Variants in SCHIP1 observed in about 807,000 individuals in gnomAD.
The protein encoded by SCHIP1 is schwannomin-interacting protein 1.
In SCHIP1, 8 loss-of-function variants were observed where a neutral mutation model predicts 29.7. The observed-to-expected ratio is 0.27, with a 90% CI of 0.16 to 0.49. The LOEUF (loss-of-function observed/expected upper bound fraction) is 0.49, where lower values mean the gene tolerates loss of function less well. Among genes scored for constraint, SCHIP1 ranks in the 20% least tolerant of loss-of-function variants. The pLI, the probability that SCHIP1 is intolerant of heterozygous loss-of-function variation, is 0.99. For synonymous variants in SCHIP1, 76 were observed against 94.9 expected (o/e 0.80, Z 1.16); for missense variants, 193 against 294.6 (o/e 0.66, Z 2.52).
At chr3:159,298,539 G>A in the SCHIP1 span, among the ~76,000 whole-genome samples, 1 of 152,186 alleles carries the variant, frequency 6.6e-6, no homozygotes, top group Non-Finnish European at 1.5e-5. Flanking sequence ...GATAGCTTAT[G>A]TTTGGAGCAT....
chr3:159,712,332 C>T, the SCHIP1 span, among the ~76,000 whole-genome samples: 116 of 152,266 alleles, frequency 7.6e-4, 1 homozygote, highest in African/African-American at 2.6e-3. Context: ...TGTATTTTTA[C>T]GCAAAGATCA....
At chr3:159,289,302 AT>A in the SCHIP1 span, among the ~76,000 whole-genome samples, 2 of 152,120 alleles carry the variant, frequency 1.3e-5, no homozygotes, top group Non-Finnish European at 2.9e-5. Flanking sequence ...TAAAATCCAA[AT>A]TCCTTGCCAT....
At chr3:159,609,676 A>T in the SCHIP1 span, among the ~76,000 whole-genome samples, 3 of 152,134 alleles carry the variant, frequency 2.0e-5, no homozygotes, top group Admixed American at 2.0e-4. Flanking sequence ...GATGGAACCA[A>T]CAGAAGCAGC....
At chr3:159,870,443 G>A (rs1267302936) in intron 2 of SCHIP1, among the ~76,000 whole-genome samples, 1 of 151,894 alleles carries the variant, frequency 6.6e-6, no homozygotes, top group East Asian at 1.9e-4. Context: ...GTATTTAACT[G>A]TATCACATGC....
chr3:159,769,524 C>A, the SCHIP1 span, among the ~76,000 whole-genome samples: 1 of 151,944 alleles, frequency 6.6e-6, no homozygotes, highest in Non-Finnish European at 1.5e-5. Context: ...CCAAGGCAGG[C>A]GGATCACCTG....
chr3:159,335,302 C>T, the SCHIP1 span, among the ~76,000 whole-genome samples: 2 of 152,282 alleles, frequency 1.3e-5, no homozygotes, highest in South Asian at 4.2e-4. Context: ...CTGCACTTGG[C>T]ATGACCAGTC....
chr3:159,718,985 C>T, the SCHIP1 span, among the ~76,000 whole-genome samples: 5 of 152,174 alleles, frequency 3.3e-5, no homozygotes, highest in African/African-American at 1.2e-4. Context: ...TCAAACTATA[C>T]TACAAGCCTA....
At chr3:159,438,110 T>A in the SCHIP1 span, among the ~76,000 whole-genome samples, 1 of 152,168 alleles carries the variant, frequency 6.6e-6, no homozygotes, top group Non-Finnish European at 1.5e-5. Flanking sequence ...ATTGTCTAGA[T>A]CAGGATTTTC....
At chr3:159,274,120 T>C in the SCHIP1 span, 100 of 985,360 alleles carry the variant, frequency 1.0e-4, no homozygotes, top group East Asian at 6.0e-3. Context: ...GAATCTAAGT[T>C]TGAGTGTTCT....
At chr3:159,309,846 G>A in the SCHIP1 span, among the ~76,000 whole-genome samples, 1 of 152,136 alleles carries the variant, frequency 6.6e-6, no homozygotes, top group African/African-American at 2.4e-5. Flanking sequence ...TTACTAAGAG[G>A]AAAATCATTG....
intron 2 of SCHIP1, among the ~76,000 whole-genome samples, chr3:159,868,189 A>G (rs1042679491): frequency 1.3e-4 from 19 of 151,372 alleles, no homozygotes; most frequent in African/African-American, 4.1e-4. Flanking sequence ...ACATATATAT[A>G]TGTGTCTTTG....
At chr3:159,670,876 GGTGGGTGT>G in the SCHIP1 span, among the ~76,000 whole-genome samples, 652 of 151,902 alleles carry the variant, frequency 4.3e-3, 9 homozygotes, top group African/African-American at 0.015. Flanking sequence ...TCTGTGGGTG[GGTGGGTGT>G]GTGGGTGTGT....
At chr3:159,491,921 G>C in the SCHIP1 span, among the ~76,000 whole-genome samples, 1 of 152,148 alleles carries the variant, frequency 6.6e-6, no homozygotes, top group Admixed American at 6.5e-5. Context: ...GAACGATCAG[G>C]CAGCAGCATT....
the SCHIP1 span, among the ~76,000 whole-genome samples, chr3:159,379,471 C>T: frequency 6.6e-6 from 1 of 152,336 alleles, no homozygotes; most frequent in South Asian, 2.1e-4. Flanking sequence ...GATCTGCCCA[C>T]CTTGGCCTCC....
At chr3:159,711,273 AT>A in the SCHIP1 span, among the ~76,000 whole-genome samples, 1 of 76,410 alleles carries the variant, frequency 1.3e-5, no homozygotes, top group South Asian at 4.1e-4. Flanking sequence ...AGGCAGGAGA[AT>A]GGCGTGAACC....
the SCHIP1 span, among the ~76,000 whole-genome samples, chr3:159,482,570 A>G: frequency 6.6e-6 from 1 of 152,200 alleles, no homozygotes; most frequent in Non-Finnish European, 1.5e-5. Flanking sequence ...GCATTTATTA[A>G]CTAGTTTACA....
the SCHIP1 span, among the ~76,000 whole-genome samples, chr3:159,517,569 A>G: frequency 2.0e-5 from 3 of 152,154 alleles, no homozygotes; most frequent in Non-Finnish European, 2.9e-5. Context: ...GTCACCTATT[A>G]AAATGCCCAA....
the SCHIP1 span, among the ~76,000 whole-genome samples, chr3:159,488,415 A>G: frequency 6.6e-6 from 1 of 152,232 alleles, no homozygotes; most frequent in African/African-American, 2.4e-5. Context: ...TACACTTTGT[A>G]TCGCTGTATC....
At chr3:159,288,758 A>G in the SCHIP1 span, among the ~76,000 whole-genome samples, 1 of 152,210 alleles carries the variant, frequency 6.6e-6, no homozygotes, top group Non-Finnish European at 1.5e-5. Context: ...GAAGGTGGAC[A>G]ACATTGAGAA....
Sources: allele counts gnomAD v4.1 joint callset (sites outside exome capture counted in the v4.1 genomes callset), GRCh38; gene constraint gnomAD v4.1.1; transcripts MANE v1.5; gene names NCBI Gene and HGNC (gene_info 2026-07-23, HGNC 2026-07-21).